NCOR2: variants seen among roughly 807,000 people sequenced by gnomAD.
NCOR2 encodes the protein nuclear receptor corepressor 2.
In NCOR2, 81 loss-of-function variants were observed where a neutral mutation model predicts 262.9. The observed-to-expected ratio is 0.31, with a 90% CI of 0.26 to 0.37. NCOR2 has a LOEUF of 0.37. Among genes scored for constraint, NCOR2 ranks in the 10% least tolerant of loss-of-function variants. NCOR2 has a pLI of 1.00. For synonymous variants in NCOR2, 1,659 were observed against 1,559.3 expected, an observed-to-expected ratio of 1.06 and a Z score of -1.51; for missense variants, 3,385 against 3,621.4, an observed-to-expected ratio of 0.93 and a Z score of 1.68.
At chr12:124,349,666 C>T (rs1459961136) in intron 28 of NCOR2, among the ~76,000 whole-genome samples, 1 of 152,110 alleles carries the variant, frequency 6.6e-6, no homozygotes, top group Admixed American at 6.5e-5. Context: ...GTTTAAAGGC[C>T]CCGACTGAAA....
chr12:124,415,448 C>T lies in NCOR2; in HGVS notation c.1482+4509G>A, dbSNP rs147159819. 9.5e-4 allele frequency among the ~76,000 whole-genome samples: 145 copies of T among 152,378 alleles called. 1 individual carries two copies. The highest frequency in any genetic ancestry group is 1.8e-3 in the Non-Finnish European group (122 of 68,028). ...CCTTGCTGCCATGGGGCAGAGAGGACTCTCAGCCCCAGAGTTAGCACTTGA... is the reference window on the plus strand; with the variant it reads ...CCTTGCTGCCATGGGGCAGAGAGGATTCTCAGCCCCAGAGTTAGCACTTGA... On this transcript the variant is annotated intron_variant, in intron 13 of 46. Transcript: ENST00000405201.
At chr12:124,381,584 T>C (rs1205831718) in intron 17 of NCOR2, among the ~76,000 whole-genome samples, 1 of 152,218 alleles carries the variant, frequency 6.6e-6, no homozygotes, top group Non-Finnish European at 1.5e-5. Context: ...ATGAACCTGA[T>C]AGACAGTGAC....
intron 22 of NCOR2, among the ~76,000 whole-genome samples, chr12:124,361,277 G>T (rs767847767): frequency 1.3e-5 from 2 of 152,186 alleles, no homozygotes; most frequent in Non-Finnish European, 2.9e-5. Context: ...CTTTGGAGCA[G>T]CCTGCCAGCA....
Position 124,348,243 on chromosome 12 carries a change from C to T in NCOR2, c.3916G>A (p.Ala1306Thr), listed in dbSNP as rs200025110. ...ATCATGTCATAGGTGCGCTTGGGGG[C>T]GGCCGTCTCATGGGGGGGTCCTGAG... The change falls in exon 29 of 47, where the codon GCC (alanine) becomes ACC (threonine). Residue 1306 changes from alanine to threonine, a missense_variant. Around this residue, in one of 5 missense-constraint regions of NCOR2, gnomAD observed 1,615 missense variants for 1,626.9 expected, o/e 0.99. Coordinates refer to ENST00000405201, the Ensembl canonical transcript of NCOR2. 23 of 1,613,176 alleles carry T rather than the reference C, an allele frequency of 1.4e-5. No homozygotes were observed. In the Admixed American group the frequency reaches 2.2e-4, roughly 15 times the overall value.
Position 124,337,037 on chromosome 12 carries a change from CG to C in NCOR2, c.5830del (p.Arg1944GlyfsTer38). ...GGTGTCTGCTCGGGGCCGCTCTGGCCGGGCGACCCGGGGGGCCTCCTTGGGC... is the reference window on the plus strand; with the variant it reads ...GGTGTCTGCTCGGGGCCGCTCTGGCCGGCGACCCGGGGGGCCTCCTTGGGC... On this transcript the variant is annotated frameshift_variant, in exon 38 of 47. Coordinates refer to ENST00000405201, the Ensembl canonical transcript of NCOR2. LOFTEE classifies it high-confidence loss of function. The C allele has an allele frequency of 6.7e-7, 1 of 1,498,328 alleles. No homozygotes were observed. The highest frequency in any genetic ancestry group is 1.4e-5 in the South Asian group (1 of 72,310). 92.8% of individuals were successfully genotyped at this position (1,498,328 alleles called of 1,614,324 possible).
At chr12:124,351,954 A>G (rs564703635) in intron 27 of NCOR2, among the ~76,000 whole-genome samples, 6 of 152,304 alleles carry the variant, frequency 3.9e-5, no homozygotes, top group Non-Finnish European at 7.3e-5. Context: ...CCCCTGGCAG[A>G]GGGCAGCACC....
In NCOR2 at chr12:124,501,062, G is replaced by GCACACA. The variant is rs3040848; in HGVS notation, c.-117-5700_-117-5695dup. Among the ~76,000 whole-genome samples, 909 of 147,784 alleles carry GCACACA rather than the reference G, an allele frequency of 6.2e-3. 20 individuals carry two copies. Among genetic ancestry groups the GCACACA allele is most frequent in the East Asian group, 7.1e-3 (34 of 4,796 alleles). ...ACGGCACGAGCGCGCGCGCACGCGC[G>GCACACA]CACACACACACACACACACACACAC... On this transcript the variant is annotated intron_variant, in intron 1 of 46. Transcript: ENST00000404621.
chr12:124,355,336 G>T, intron 24 of NCOR2, 96 bp downstream of exon 26: 1 of 1,468,650 alleles, frequency 6.8e-7, no homozygotes, highest in Non-Finnish European at 9.2e-7. Context: ...CCAGGCCCCC[G>T]AGAGCCTGGC....
At chr12:124,327,036 C>A (rs1566343446) in intron 45 of NCOR2, among the ~76,000 whole-genome samples, 1 of 152,176 alleles carries the variant, frequency 6.6e-6, no homozygotes, top group Non-Finnish European at 1.5e-5. Flanking sequence ...CCCCTGTCCA[C>A]ACAGTGTGGG....
intron 6 of NCOR2, among the ~76,000 whole-genome samples, chr12:124,452,279 C>T (rs2045594725): frequency 6.6e-6 from 1 of 152,232 alleles, no homozygotes; most frequent in African/African-American, 2.4e-5. Flanking sequence ...TGTGAAGATG[C>T]CCATGCTGTA....
At chr12:124,353,950 G>T in intron 27 of NCOR2, 143 bp downstream of exon 29, 1 of 757,976 alleles carries the variant, frequency 1.3e-6, no homozygotes, top group Non-Finnish European at 2.2e-6. Flanking sequence ...CAGACTAGAT[G>T]AAAGTTCATG....
chr12:124,453,368 G>A (rs1352811122), intron 6 of NCOR2, among the ~76,000 whole-genome samples: 1 of 152,124 alleles, frequency 6.6e-6, no homozygotes, highest in African/African-American at 2.4e-5. Flanking sequence ...AGATGCGTGT[G>A]GAGCCTGGGG....
At chr12:124,447,049 G>A (rs1265282879) in intron 7 of NCOR2, among the ~76,000 whole-genome samples, 1 of 152,100 alleles carries the variant, frequency 6.6e-6, no homozygotes, top group Non-Finnish European at 1.5e-5. Context: ...TGAGTAGCTG[G>A]GACTACAGGT....
At chr12:124,507,371 TAAAC>T (rs1323392053) in intron 1 of NCOR2, among the ~76,000 whole-genome samples, 2 of 152,220 alleles carry the variant, frequency 1.3e-5, no homozygotes, top group Admixed American at 1.3e-4. Flanking sequence ...AATTTAAAAT[TAAAC>T]AACACCTCCT....
intron 13 of NCOR2, among the ~76,000 whole-genome samples, chr12:124,413,638 G>A (rs979994963): frequency 9.9e-5 from 15 of 152,230 alleles, no homozygotes; most frequent in East Asian, 5.8e-4. Context: ...GCCTCTCTGC[G>A]GCCACCCACA....
chr12:124,366,661 C>A (rs749496026), intron 20 of NCOR2, among the ~76,000 whole-genome samples: 3 of 152,050 alleles, frequency 2.0e-5, no homozygotes, highest in Non-Finnish European at 4.4e-5. Context: ...CACACATCAC[C>A]GTACCTGACT....
chr12:124,547,201 C>T (rs1330162450), intron 1 of NCOR2, among the ~76,000 whole-genome samples: 4 of 151,978 alleles, frequency 2.6e-5, no homozygotes, highest in African/African-American at 9.7e-5. Context: ...CCATGTTGGC[C>T]AGGCTGGTCT....
At chr12:124,474,116 C>A (rs896152514) in intron 3 of NCOR2, among the ~76,000 whole-genome samples, 1 of 152,226 alleles carries the variant, frequency 6.6e-6, no homozygotes, top group African/African-American at 2.4e-5. Context: ...GCCCAAGGAA[C>A]GAAGACCCAC....
chr12:124,565,034 G>A (rs1022577805), intron 1 of NCOR2, among the ~76,000 whole-genome samples: 3 of 152,008 alleles, frequency 2.0e-5, no homozygotes, highest in African/African-American at 7.2e-5. Flanking sequence ...TATTAATTGG[G>A]GAAAAAGAAC....
Sources: gnomAD v4.1 joint callset for allele counts (sites outside exome capture counted in the v4.1 genomes callset) on GRCh38, gnomAD v4.1.1 for gene constraint, gnomAD v4.1.1 regional missense constraint, MANE v1.5 for transcripts, NCBI Gene and HGNC (gene_info 2026-07-23, HGNC 2026-07-21) for gene names.